The following TMCO1 variants were observed in gnomAD, a reference collection of about 807,000 sequenced individuals.
The protein encoded by TMCO1 is transmembrane and coiled-coil domains 1.
TMCO1 carries 29 observed loss-of-function variants against 29.3 expected under a neutral mutation model. The observed-to-expected ratio is 0.99, with a 90% CI of 0.74 to 1.35. The LOEUF is 1.35. Among genes scored for constraint, TMCO1 ranks in the 40% most tolerant of loss-of-function variants. TMCO1 has a pLI of 0.00. For synonymous variants in TMCO1, 80 were observed against 77.1 expected, an observed-to-expected ratio of 1.04 and a Z score of -0.20; for missense variants, 173 against 225.5, an observed-to-expected ratio of 0.77 and a Z score of 1.49.
intron 2 of TMCO1, among the ~76,000 whole-genome samples, chr1:165,767,007 T>C (rs953002085): frequency 1.3e-5 from 2 of 152,058 alleles, no homozygotes; most frequent in African/African-American, 2.4e-5. Context: ...CTGAGTAAAT[T>C]AAGGAACAGT....
intron 4 of TMCO1, among the ~76,000 whole-genome samples, chr1:165,753,293 C>T (rs1236565103): frequency 6.6e-6 from 1 of 151,680 alleles, no homozygotes; most frequent in Non-Finnish European, 1.5e-5. Context: ...GGCAACATAG[C>T]AAGACCCTGT....
chr1:165,734,576 T>C (rs1375031604), intron 6 of TMCO1, among the ~76,000 whole-genome samples: 1 of 152,194 alleles, frequency 6.6e-6, no homozygotes, highest in East Asian at 1.9e-4. Flanking sequence ...TGATCTCAGC[T>C]CACTGCAACC....
chr1:165,739,373 G>A (rs929693441), intron 6 of TMCO1, among the ~76,000 whole-genome samples: 3 of 136,858 alleles, frequency 2.2e-5, no homozygotes, highest in African/African-American at 8.4e-5. Context: ...GTAAAGACCA[G>A]CTTGAGTTGA....
chr1:165,743,260 G>C lies in TMCO1; in HGVS notation c.375C>G (p.Ile125Met). 1 of 1,612,982 alleles carries C rather than the reference G, an allele frequency of 6.2e-7. No individual in the cohort carries two copies. The highest frequency in any genetic ancestry group is 8.5e-7 in the Non-Finnish European group (1 of 1,179,774). ...AKLPFTPLSY[I>M]QGLSHRNLLG... ...GCAGATTTCGATGAGACAGTCCTTG[G>C]ATGTAAGAAAGAGGGGTAAAAGGAA... The change falls in exon 6 of 7, where the codon ATC (isoleucine) becomes ATG (methionine). Residue 125 changes from isoleucine to methionine, a missense_variant. Coordinates refer to ENST00000367881, the MANE Select transcript of TMCO1 (RefSeq NM_019026.6).
At chr1:165,726,362 A>G (rs1650891357), downstream of TMCO1, 1 of 670,698 alleles carries the variant, frequency 1.5e-6, no homozygotes, top group African/African-American at 1.8e-5. Flanking sequence ...AGGAGAACAA[A>G]AAAAAAGACA....
At chr1:165,749,151 G>T (rs757363783) in intron 5 of TMCO1, among the ~76,000 whole-genome samples, 1 of 152,122 alleles carries the variant, frequency 6.6e-6, no homozygotes, top group Admixed American at 6.5e-5. Context: ...AAACATCTGT[G>T]TACAGGTTTT....
chr1:165,738,531 A>G (rs1651472026), intron 6 of TMCO1, among the ~76,000 whole-genome samples: 1 of 152,252 alleles, frequency 6.6e-6, no homozygotes, highest in Admixed American at 6.5e-5. Context: ...ATGTGGAAAT[A>G]GCAGGCTAAT....
Position 165,758,744 on chromosome 1 carries a change from T to C in TMCO1, c.208+781A>G, listed in dbSNP as rs988681637. Among the ~76,000 whole-genome samples the C allele has an allele frequency of 1.0e-4, 9 of 90,196 alleles. No individual in the cohort carries two copies. In the Admixed American group the frequency reaches 1.1e-3, roughly 11 times the overall value. The allele number at this position is 90,196 out of a possible 152,430, so 59.2% of individuals were successfully genotyped here. A position where few individuals can be genotyped will look rare whatever the true frequency, so the allele number is the denominator to read the frequency against. On this transcript the variant is annotated intron_variant, in intron 3 of 6. Coordinates refer to ENST00000367881, the MANE Select transcript of TMCO1 (RefSeq NM_019026.6). ...GTAACTGACACATACAGCGTAAATG[T>C]TCAATAGCATTTTCTCATAGAATTA...
chr1:165,742,510 G>A (rs1651635503), intron 6 of TMCO1, among the ~76,000 whole-genome samples: 2 of 152,144 alleles, frequency 1.3e-5, no homozygotes, highest in South Asian at 2.1e-4. Flanking sequence ...TGATTCTCAC[G>A]CCTCAGCCTA....
Position 165,735,359 on chromosome 1 carries a change from GAATA to G in TMCO1, c.469-7242_469-7239del, listed in dbSNP as rs1483363448. 3.3e-5 allele frequency among the ~76,000 whole-genome samples: 5 copies of G among 152,106 alleles called. No homozygotes were observed. In the East Asian group the frequency reaches 9.7e-4, roughly 29 times the overall value. ...CACTGTGAAGAGTGTCTAAAACTCA[GAATA>G]AACTATAATCTTACTGGTTTGAAGA... On this transcript the variant is annotated intron_variant, in intron 6 of 6. Coordinates refer to ENST00000367881, the MANE Select transcript of TMCO1 (RefSeq NM_019026.6).
intron 6 of TMCO1, among the ~76,000 whole-genome samples, chr1:165,738,332 G>A (rs1245132524): frequency 6.6e-6 from 1 of 152,040 alleles, no homozygotes; most frequent in Non-Finnish European, 1.5e-5. Context: ...GAAAAACCAG[G>A]CCTATTTCTT....
chr1:165,757,565 C>T (rs555863098), intron 3 of TMCO1, among the ~76,000 whole-genome samples: 5 of 152,348 alleles, frequency 3.3e-5, no homozygotes, highest in Admixed American at 6.5e-5. Flanking sequence ...GGCGCGATCT[C>T]GGCGCACTAC....
At chr1:165,765,733 G>C (rs557934336) in intron 2 of TMCO1, among the ~76,000 whole-genome samples, 1 of 152,340 alleles carries the variant, frequency 6.6e-6, no homozygotes, top group South Asian at 2.1e-4. Context: ...CAGCACAAGA[G>C]TATGGCTAGT....
intron 6 of TMCO1, among the ~76,000 whole-genome samples, chr1:165,739,148 T>C (rs1488322114): frequency 6.6e-6 from 1 of 152,194 alleles, no homozygotes; most frequent in Non-Finnish European, 1.5e-5. Flanking sequence ...AGCAAGCATG[T>C]TTCAGTAGGC....
At chr1:165,753,012 T>C (rs924646460) in intron 4 of TMCO1, among the ~76,000 whole-genome samples, 1 of 152,170 alleles carries the variant, frequency 6.6e-6, no homozygotes, top group Admixed American at 6.5e-5. Flanking sequence ...GTTAAATATA[T>C]AGAAGTTAAG....
downstream of TMCO1, chr1:165,726,438 T>G: frequency 1.7e-6 from 1 of 585,512 alleles, no homozygotes. Flanking sequence ...AATCACCACA[T>G]ACCCATGAGG....
intron 6 of TMCO1, among the ~76,000 whole-genome samples, chr1:165,736,539 T>C (rs1651394027): frequency 6.6e-6 from 1 of 152,026 alleles, no homozygotes; most frequent in Non-Finnish European, 1.5e-5. Context: ...CTGACCAACA[T>C]GGTGAAACCC....
In TMCO1 at chr1:165,727,701, C is replaced by T. The variant is rs1472658902; in HGVS notation, c.*322G>A. 2 of 454,754 alleles carry T rather than the reference C, an allele frequency of 4.4e-6. No individual in the cohort carries two copies. Among genetic ancestry groups the T allele is most frequent in the African/African-American group, 4.0e-5 (2 of 50,138 alleles). The allele number at this position is 454,754 out of a possible 1,614,324, so 28.2% of individuals were successfully genotyped here. A position where few individuals can be genotyped will look rare whatever the true frequency, so the allele number is the denominator to read the frequency against. ...ATAGACAGCCAACTTGCAGGGCATACACAGTGCCTTGAGAGTCGGTCCCAC... is the reference window on the plus strand; with the variant it reads ...ATAGACAGCCAACTTGCAGGGCATATACAGTGCCTTGAGAGTCGGTCCCAC... On this transcript the variant is annotated 3_prime_UTR_variant, in exon 7 of 7. Transcript: ENST00000367881.
At chr1:165,730,467 A>G (rs1272988386) in intron 6 of TMCO1, among the ~76,000 whole-genome samples, 1 of 152,258 alleles carries the variant, frequency 6.6e-6, no homozygotes, top group Non-Finnish European at 1.5e-5. Flanking sequence ...ACCATAAAAT[A>G]TTTCAGTACA....
Sources: gnomAD v4.1 joint callset for allele counts (sites outside exome capture counted in the v4.1 genomes callset) on GRCh38, gnomAD v4.1.1 for gene constraint, MANE v1.5 for transcripts, NCBI Gene and HGNC (gene_info 2026-07-23, HGNC 2026-07-21) for gene names.